PTK2B: variants seen among roughly 807,000 people sequenced by gnomAD.
The protein encoded by PTK2B is protein-tyrosine kinase 2-beta.
PTK2B carries 71 observed loss-of-function variants against 142.9 expected under a neutral mutation model. The observed-to-expected ratio is 0.50, with a 90% confidence interval of 0.41 to 0.61. The LOEUF (loss-of-function observed/expected upper bound fraction) is 0.61, where lower values mean the gene tolerates loss of function less well. Ranked by LOEUF, PTK2B falls within the 20% of genes least tolerant of loss-of-function variation. The pLI is 0.00. For missense variants in PTK2B, 1,105 were observed against 1,320.4 expected (o/e 0.84, Z 2.53); for synonymous variants, 519 against 503.4 (o/e 1.03, Z -0.42).
At chr8:27,397,911 T>A in intron 2 of PTK2B, 123 bp downstream of exon 2, 1 of 1,234,362 alleles carries the variant, frequency 8.1e-7, no homozygotes, top group Non-Finnish European at 1.2e-6. Context: ...AGAGGTGAGG[T>A]GGCATCAGAG....
intron 21 of PTK2B, among the ~76,000 whole-genome samples, 171 bp from the exon 22 acceptor site, chr8:27,442,704 C>G (rs897558046): frequency 6.6e-6 from 1 of 152,172 alleles, no homozygotes; most frequent in Non-Finnish European, 1.5e-5. Flanking sequence ...CATATCCAAG[C>G]CTGTCTCAGG....
intron 1 of PTK2B, among the ~76,000 whole-genome samples, chr8:27,329,784 T>C (rs1036338587): frequency 1.3e-5 from 2 of 152,088 alleles, no homozygotes; most frequent in Non-Finnish European, 2.9e-5. Context: ...GAGCTCAGGC[T>C]CAGTCAGTCT....
At chr8:27,386,630 T>C (rs1212161566) in intron 1 of PTK2B, among the ~76,000 whole-genome samples, 1 of 152,202 alleles carries the variant, frequency 6.6e-6, no homozygotes, top group African/African-American at 2.4e-5. Context: ...TTATCCAATT[T>C]GCATTAAAAT....
intron 30 of PTK2B, 115 bp downstream of exon 30, chr8:27,454,726 C>T (rs1435543643): frequency 8.1e-6 from 9 of 1,116,700 alleles, no homozygotes; most frequent in Non-Finnish European, 1.1e-5. Flanking sequence ...ACTGAGTCCC[C>T]ACCAGGTGGG....
At chr8:27,344,179 C>G (rs1015157300) in intron 1 of PTK2B, among the ~76,000 whole-genome samples, 1 of 152,110 alleles carries the variant, frequency 6.6e-6, no homozygotes, top group Non-Finnish European at 1.5e-5. Context: ...TCTCCCACTT[C>G]TCTCTCCCCA....
At chr8:27,444,162 C>G (rs1554509038) in intron 22 of PTK2B, 44 bp from the exon 23 acceptor site, 7 of 1,562,722 alleles carry the variant, frequency 4.5e-6, no homozygotes, top group Non-Finnish European at 6.2e-6. Flanking sequence ...TGTGTTCACT[C>G]AAGGAGAGGG....
intron 15 of PTK2B, among the ~76,000 whole-genome samples, chr8:27,436,777 C>T (rs535027481): frequency 2.0e-5 from 3 of 152,258 alleles, no homozygotes; most frequent in African/African-American, 7.2e-5. Flanking sequence ...AATGAAAAAT[C>T]CAATGATAGA....
intron 1 of PTK2B, among the ~76,000 whole-genome samples, chr8:27,344,722 C>T (rs1280173689): frequency 6.6e-6 from 1 of 152,190 alleles, no homozygotes; most frequent in East Asian, 1.9e-4. Flanking sequence ...AACTCACTTC[C>T]TTGTGCTTCT....
intron 1 of PTK2B, among the ~76,000 whole-genome samples, chr8:27,361,349 G>T (rs968661580): frequency 3.3e-5 from 5 of 152,090 alleles, no homozygotes; most frequent in Non-Finnish European, 7.4e-5. Flanking sequence ...CTCCCGAGTA[G>T]CTGGGACCAC....
intron 1 of PTK2B, among the ~76,000 whole-genome samples, chr8:27,352,780 C>T (rs969050250): frequency 1.3e-5 from 2 of 152,174 alleles, no homozygotes; most frequent in East Asian, 1.9e-4. Flanking sequence ...CCATGTAAGA[C>T]GTGACTTGCT....
intron 26 of PTK2B, 114 bp downstream of exon 26, chr8:27,451,192 A>G: frequency 1.6e-6 from 2 of 1,269,758 alleles, no homozygotes; most frequent in Non-Finnish European, 2.2e-6. Flanking sequence ...GCTCCTCCTC[A>G]ATGGCTTTCC....
intron 1 of PTK2B, among the ~76,000 whole-genome samples, chr8:27,350,845 A>G: frequency 6.7e-6 from 1 of 149,950 alleles, no homozygotes; most frequent in Non-Finnish European, 1.5e-5. Flanking sequence ...TGTTGGTGGC[A>G]CATGCCTGTA....
At position 27,363,503 on chromosome 8, in the gene PTK2B, C is replaced by T. The variant is rs1805839184; in HGVS notation, c.-37-34045C>T. 6.6e-6 allele frequency among the ~76,000 whole-genome samples: 1 copy of T among 152,112 alleles called. No individual in the cohort carries two copies. The highest frequency in any genetic ancestry group is 2.4e-5 in the African/African-American group (1 of 41,412). On this transcript the variant is annotated intron_variant, in intron 1 of 30. Coordinates refer to ENST00000346049, the MANE Select transcript of PTK2B (RefSeq NM_173176.3). This position sits in a 1 kb window ranked among gnomAD's most constrained non-coding sequence, Gnocchi z 4.3. ...TGTTGAGAGAGTGAGTTTCTCATCA[C>T]TAGAAGAATTCAAGCAGGAAGTGGG... is the stretch of plus-strand genomic sequence containing the variant.
At position 27,435,708 on chromosome 8, in the gene PTK2B, C is replaced by G; in HGVS notation, c.1193-35C>G. 1.9e-6 allele frequency: 3 copies of G among 1,612,978 alleles called. No homozygotes were observed. The South Asian group carries it at 3.3e-5, about 18-fold the overall frequency. ...TCCTGGCGGTGCCCACCAAGGGCAT[C>G]TTGTCCACGGCTGAGCCTCTTCCTG... On this transcript the variant is annotated intron_variant, in intron 13 of 30. Transcript: ENST00000346049.
intron 2 of PTK2B, among the ~76,000 whole-genome samples, chr8:27,400,697 C>A (rs1313440970): frequency 6.6e-6 from 1 of 152,138 alleles, no homozygotes; most frequent in African/African-American, 2.4e-5. Context: ...GGTGTTGGTA[C>A]TATTCATTGA....
intron 26 of PTK2B, 58 bp from the exon 27 acceptor site, chr8:27,451,427 G>T: frequency 1.9e-6 from 3 of 1,609,396 alleles, no homozygotes; most frequent in Non-Finnish European, 2.5e-6. Context: ...AACCAGGGAG[G>T]GGGTTGTCTC....
upstream of PTK2B, chr8:27,311,303 C>T: frequency 1.4e-6 from 2 of 1,438,904 alleles, no homozygotes; most frequent in Non-Finnish European, 1.8e-6. Flanking sequence ...CGGCTGCCAA[C>T]GCCCGCGACC....
intron 27 of PTK2B, 151 bp downstream of exon 27, chr8:27,451,660 G>T: frequency 6.7e-7 from 1 of 1,493,674 alleles, no homozygotes. Flanking sequence ...TGTGGGGCAG[G>T]CCAGCTTCCC....
At chr8:27,389,780 C>A (rs1360355515) in intron 1 of PTK2B, among the ~76,000 whole-genome samples, 2 of 152,174 alleles carry the variant, frequency 1.3e-5, no homozygotes, top group African/African-American at 4.8e-5. Context: ...TTAGCAAATG[C>A]TGGACTGGAG....
Sources: gnomAD v4.1 joint callset for allele counts (sites outside exome capture counted in the v4.1 genomes callset) on GRCh38, gnomAD v4.1.1 for gene constraint, Gnocchi (gnomAD v3.1) non-coding constraint, MANE v1.5 for transcripts, NCBI Gene and HGNC (gene_info 2026-07-23, HGNC 2026-07-21) for gene names.